SLC4A7: variants seen among roughly 807,000 people sequenced by gnomAD.
SLC4A7 encodes solute carrier family 4 member 7.
A neutral mutation model predicts 137.6 loss-of-function variants in SLC4A7; 51 were observed. That is an observed-to-expected ratio of 0.37 (90% confidence interval 0.30 to 0.47). The LOEUF (loss-of-function observed/expected upper bound fraction) is 0.47, where lower values mean the gene tolerates loss of function less well. Ranked by LOEUF, SLC4A7 falls within the 20% of genes least tolerant of loss-of-function variation. The pLI, the probability that SLC4A7 is intolerant of heterozygous loss-of-function variation, is 1.00. For synonymous variants in SLC4A7, 542 were observed against 518.6 expected (o/e 1.05, Z -0.61); for missense variants, 1,247 against 1,525.4 (o/e 0.82, Z 3.04).
intron 1 of SLC4A7, among the ~76,000 whole-genome samples, chr3:27,467,012 T>C (rs1006216401): frequency 1.8e-4 from 28 of 152,200 alleles, no homozygotes; most frequent in African/African-American, 6.8e-4. Flanking sequence ...CTAGCTTTTA[T>C]AATAGTCTTA....
At chr3:27,404,018 T>A (rs571954129) in intron 14 of SLC4A7, among the ~76,000 whole-genome samples, 2 of 152,342 alleles carry the variant, frequency 1.3e-5, no homozygotes, top group East Asian at 1.9e-4. Flanking sequence ...CCATCAAATA[T>A]GTAATAGCAT....
chr3:27,375,788 A>T lies in SLC4A7; in HGVS notation c.*976T>A, dbSNP rs1485177065. 1 of 152,270 alleles carries T rather than the reference A, an allele frequency of 6.6e-6. No individual in the cohort carries two copies. Among genetic ancestry groups the T allele is most frequent in the South Asian group, 2.1e-4 (1 of 4,832 alleles). The allele number at this position is 152,270 out of a possible 1,614,324, so 9.4% of individuals were successfully genotyped here. On this transcript the variant is annotated 3_prime_UTR_variant, in exon 26 of 26. Coordinates refer to ENST00000454389, the MANE Select transcript of SLC4A7 (RefSeq NM_001321103.2). Reference sequence around the variant, plus strand: ...AAAAGTGAAAGAATAACATAAAGAGAAAATGAAAGGTAATTCTTAATAAAG... The same window carrying T: ...AAAAGTGAAAGAATAACATAAAGAGTAAATGAAAGGTAATTCTTAATAAAG...
chr3:27,382,332 C>T (rs1472207318), intron 24 of SLC4A7, among the ~76,000 whole-genome samples: 4 of 151,984 alleles, frequency 2.6e-5, no homozygotes, highest in Non-Finnish European at 4.4e-5. Flanking sequence ...CCAGGCTGGT[C>T]GTGAACTCCT....
chr3:27,415,414 G>T (rs1329047310), intron 11 of SLC4A7, among the ~76,000 whole-genome samples: 1 of 152,184 alleles, frequency 6.6e-6, no homozygotes, highest in Non-Finnish European at 1.5e-5. Flanking sequence ...GGGTAGTCAA[G>T]ACCATAAATT....
intron 7 of SLC4A7, 67 bp from the exon 8 acceptor site, chr3:27,424,219 A>G: frequency 4.0e-6 from 3 of 750,082 alleles, no homozygotes; most frequent in South Asian, 3.6e-5. Flanking sequence ...TTCTGCTCAC[A>G]TTCTGAAAGT....
chr3:27,376,609 C>G lies in SLC4A7; in HGVS notation c.*155G>C. On this transcript the variant is annotated 3_prime_UTR_variant, in exon 26 of 26. Transcript: ENST00000454389. Reference sequence around the variant, plus strand: ...GAGAGCATTTCATTAAATACATAGTCTCCACGGTGCTCATTACAAACTCCA... The same window carrying G: ...GAGAGCATTTCATTAAATACATAGTGTCCACGGTGCTCATTACAAACTCCA... The G allele has an allele frequency of 2.3e-6, 1 of 439,794 alleles. No homozygotes were observed. The highest frequency in any genetic ancestry group is 4.1e-6 in the Non-Finnish European group (1 of 243,662). The allele number at this position is 439,794 out of a possible 1,614,324, so 27.2% of individuals were successfully genotyped here.
At chr3:27,477,781 A>G (rs1350403821) in intron 1 of SLC4A7, among the ~76,000 whole-genome samples, 1 of 151,678 alleles carries the variant, frequency 6.6e-6, no homozygotes, top group East Asian at 1.9e-4. Flanking sequence ...CGCCCTGGTA[A>G]TTTTTTGTAT....
At chr3:27,391,475 T>C in intron 21 of SLC4A7, among the ~76,000 whole-genome samples, 1 of 152,208 alleles carries the variant, frequency 6.6e-6, no homozygotes, top group Admixed American at 6.5e-5. Flanking sequence ...CTCACTATTC[T>C]AGTCTTTATT....
intron 3 of SLC4A7, among the ~76,000 whole-genome samples, chr3:27,439,275 A>G (rs999956221): frequency 6.6e-6 from 1 of 152,234 alleles, no homozygotes; most frequent in African/African-American, 2.4e-5. Context: ...CAGAAAGTCA[A>G]GAACTCCAGG....
Position 27,373,857 on chromosome 3 carries a change from C to CG in SLC4A7, c.*2906dup, listed in dbSNP as rs2049725371. On this transcript the variant is annotated 3_prime_UTR_variant, in exon 26 of 26. Transcript: ENST00000454389. ...ACATGCATTAGCACATAAAATATTT[C>CG]GTCCTAGACATCTTTACAGAAGACT... 1 of 152,524 alleles carries CG rather than the reference C, an allele frequency of 6.6e-6. No individual in the cohort carries two copies. The highest frequency in any genetic ancestry group is 2.4e-5 in the African/African-American group (1 of 41,442). 9.4% of individuals were successfully genotyped at this position (152,524 alleles called of 1,614,324 possible).
chr3:27,443,041 T>C (rs1437417977), intron 3 of SLC4A7, among the ~76,000 whole-genome samples: 2 of 143,734 alleles, frequency 1.4e-5, no homozygotes, highest in Non-Finnish European at 3.0e-5. Flanking sequence ...TCTTTTTTTT[T>C]TTTTTTTTGA....
chr3:27,422,442 T>G (rs2055077399), intron 8 of SLC4A7, among the ~76,000 whole-genome samples: 1 of 152,114 alleles, frequency 6.6e-6, no homozygotes, highest in Non-Finnish European at 1.5e-5. Flanking sequence ...TAATTTTTGT[T>G]GTTTTTTTGT....
intron 1 of SLC4A7, among the ~76,000 whole-genome samples, chr3:27,474,304 C>T (rs1215016409): frequency 6.6e-6 from 1 of 152,100 alleles, no homozygotes; most frequent in Non-Finnish European, 1.5e-5. Context: ...AACAAATCTA[C>T]AGCAGATAAG....
intron 24 of SLC4A7, among the ~76,000 whole-genome samples, chr3:27,380,085 G>A (rs1196554875): frequency 6.6e-6 from 1 of 152,140 alleles, no homozygotes; most frequent in African/African-American, 2.4e-5. Flanking sequence ...AAGGCGGGCG[G>A]ATCACGAGGT....
intron 1 of SLC4A7, among the ~76,000 whole-genome samples, chr3:27,481,941 G>C (rs1230488072): frequency 6.6e-6 from 1 of 152,116 alleles, no homozygotes; most frequent in Non-Finnish European, 1.5e-5. Flanking sequence ...TTCGAGACCA[G>C]CCTAACCAAC....
At chr3:27,381,164 T>A (rs2050380320) in intron 24 of SLC4A7, among the ~76,000 whole-genome samples, 1 of 152,202 alleles carries the variant, frequency 6.6e-6, no homozygotes, top group African/African-American at 2.4e-5. Context: ...CACAGCCACA[T>A]TAATCATGGC....
At chr3:27,390,708 AAAG>A (rs1171094490) in intron 21 of SLC4A7, among the ~76,000 whole-genome samples, 1 of 152,184 alleles carries the variant, frequency 6.6e-6, no homozygotes, top group Non-Finnish European at 1.5e-5. Context: ...TTGAAAAAAT[AAAG>A]ATGTTTTCCT....
intron 3 of SLC4A7, among the ~76,000 whole-genome samples, chr3:27,441,908 T>G (rs187547301): frequency 6.6e-6 from 1 of 152,152 alleles, no homozygotes; most frequent in East Asian, 1.9e-4. Context: ...GACTTTTTTT[T>G]TTTTTGAGAG....
chr3:27,429,382 C>G (rs2056023284), intron 7 of SLC4A7, among the ~76,000 whole-genome samples: 1 of 151,878 alleles, frequency 6.6e-6, no homozygotes, highest in African/African-American at 2.4e-5. Context: ...CTGAAAATTT[C>G]AAGGTAAATT....
Sources: allele counts gnomAD v4.1 joint callset (sites outside exome capture counted in the v4.1 genomes callset), GRCh38; gene constraint gnomAD v4.1.1; transcripts MANE v1.5; gene names NCBI Gene and HGNC (gene_info 2026-07-23, HGNC 2026-07-21).